Variants in IQCH observed in about 807,000 individuals in gnomAD.
IQCH encodes IQ domain-containing protein H.
In IQCH, 98 loss-of-function variants were observed where a neutral mutation model predicts 117.0. That is an observed-to-expected ratio of 0.84 (90% CI 0.71 to 0.99). IQCH has a LOEUF of 0.99. IQCH is among the 50% of genes least tolerant of loss of function. IQCH has a pLI of 0.00. For missense variants in IQCH, 1,102 were observed against 1,243.8 expected, an observed-to-expected ratio of 0.89 and a Z score of 1.72; for synonymous variants, 412 against 448.2, an observed-to-expected ratio of 0.92 and a Z score of 1.02.
intron 4 of IQCH, among the ~76,000 whole-genome samples, chr15:67,326,793 A>C (rs375100702): frequency 4.9e-4 from 75 of 152,376 alleles, no homozygotes; most frequent in African/African-American, 1.8e-3. Flanking sequence ...ATATCAAATC[A>C]GCCTATTATT....
chr15:67,419,122 C>T (rs1440673220), intron 15 of IQCH, among the ~76,000 whole-genome samples: 1 of 152,174 alleles, frequency 6.6e-6, no homozygotes, highest in Admixed American at 6.5e-5. Flanking sequence ...CCTGCTTTCT[C>T]AGCCATGCTT....
intron 10 of IQCH, among the ~76,000 whole-genome samples, chr15:67,383,918 A>G (rs1025010229): frequency 3.9e-5 from 6 of 152,188 alleles, no homozygotes; most frequent in African/African-American, 1.2e-4. Flanking sequence ...CAAAGAGCCA[A>G]TTATCAGAGT....
chr15:67,304,368 G>A, intron 4 of IQCH: 9 of 1,531,574 alleles, frequency 5.9e-6, no homozygotes, highest in Non-Finnish European at 6.1e-6. Context: ...TAAAAATCTT[G>A]CAGGATCCTG....
chr15:67,396,968 C>A (rs1476710176), intron 13 of IQCH, among the ~76,000 whole-genome samples: 2 of 152,160 alleles, frequency 1.3e-5, no homozygotes, highest in African/African-American at 2.4e-5. Context: ...CAGTCGCAGG[C>A]AATTTTAGTA....
At chr15:67,345,589 A>G (rs778304445) in intron 6 of IQCH, among the ~76,000 whole-genome samples, 15 of 152,198 alleles carry the variant, frequency 9.9e-5, no homozygotes, top group Non-Finnish European at 1.8e-4. Flanking sequence ...CAGAAAAACT[A>G]TGAGAAAAAC....
Position 67,342,743 on chromosome 15 carries a change from G to T in IQCH, c.509-1320G>T, listed in dbSNP as rs994809039. Among the ~76,000 whole-genome samples, 1 of 152,084 alleles carries T rather than the reference G, an allele frequency of 6.6e-6. No homozygotes were observed. The highest frequency in any genetic ancestry group is 2.4e-5 in the African/African-American group (1 of 41,410). On this transcript the variant is annotated intron_variant, in intron 5 of 20. Coordinates refer to ENST00000335894, the MANE Select transcript of IQCH (RefSeq NM_001031715.3). This position sits in a 1 kb window ranked among gnomAD's most constrained non-coding sequence, Gnocchi z 4.7. ...AAAGGTCCTAAAGTGTTATACTCTG[G>T]ATCAGTAATTCTTAAGTGTTAAGAG... is the stretch of plus-strand genomic sequence containing the variant.
At chr15:67,298,693 C>T (rs1320524151) in intron 4 of IQCH, among the ~76,000 whole-genome samples, 1 of 152,138 alleles carries the variant, frequency 6.6e-6, no homozygotes, top group East Asian at 1.9e-4. Context: ...TGATGAAACC[C>T]GTTTCTACTA....
chr15:67,349,815 A>C (rs117803621), intron 6 of IQCH, among the ~76,000 whole-genome samples: 2,394 of 152,316 alleles, frequency 0.016, 24 homozygotes, highest in Non-Finnish European at 0.026. Flanking sequence ...GATACATGAA[A>C]GCATGCTTAA....
rs80302048 is a variant in IQCH, at chr15:67,474,370, C to T, written c.2677-1326C>T. On this transcript the variant is annotated intron_variant, in intron 17 of 20. Transcript: ENST00000335894. The surrounding 1 kb of genome is among the most constrained non-coding windows in gnomAD (Gnocchi z 4.1). ...ACCACAGTTCAAGAGCCAAGCCAGG[C>T]ACCTTTATCTTCTATGCCCTAAGGT... Among the ~76,000 whole-genome samples the T allele has an allele frequency of 3.4e-3, 520 of 152,252 alleles. 5 individuals carry two copies. The highest frequency in any genetic ancestry group is 4.2e-3 in the Non-Finnish European group (284 of 68,020).
Position 67,401,428 on chromosome 15 carries a change from A to C in IQCH, c.2097+1123A>C, listed in dbSNP as rs1384937324. On this transcript the variant is annotated intron_variant, in intron 14 of 20. Transcript: ENST00000335894. The surrounding 1 kb of genome is among the most constrained non-coding windows in gnomAD (Gnocchi z 4.7). ...AAGCATAACCGATTAGGAAAATCAC[A>C]ATGCAAATTCCCTTAACTGGTTCCT... 6.6e-6 allele frequency among the ~76,000 whole-genome samples: 1 copy of C among 152,216 alleles called. No homozygotes were observed. Among genetic ancestry groups the C allele is most frequent in the East Asian group, 1.9e-4 (1 of 5,198 alleles).
chr15:67,480,766 C>G (rs1248612460), intron 18 of IQCH, among the ~76,000 whole-genome samples: 1 of 152,002 alleles, frequency 6.6e-6, no homozygotes, highest in Non-Finnish European at 1.5e-5. Context: ...TTTGGCAAAA[C>G]TAATACCTGC....
At chr15:67,303,598 T>A (rs1279966650) in intron 4 of IQCH, among the ~76,000 whole-genome samples, 2 of 152,118 alleles carry the variant, frequency 1.3e-5, no homozygotes, top group Non-Finnish European at 2.9e-5. Context: ...ATAGAGAAAC[T>A]GACTTCCATA....
At position 67,436,456 on chromosome 15, in the gene IQCH, C is replaced by T. The variant is rs1199374322; in HGVS notation, c.2505+14879C>T. On this transcript the variant is annotated intron_variant, in intron 16 of 20. Transcript: ENST00000335894. The surrounding 1 kb of genome is among the most constrained non-coding windows in gnomAD (Gnocchi z 5.1). ...CTAGCAGCCCATTTCTGCCTGGCAC[C>T]ACAGGGATCCATCAGGACGGTGGCC... Among the ~76,000 whole-genome samples, 18 of 152,162 alleles carry T rather than the reference C, an allele frequency of 1.2e-4. No homozygotes were observed. The highest frequency in any genetic ancestry group is 1.9e-4 in the Non-Finnish European group (13 of 68,028).
At position 67,474,748 on chromosome 15, in the gene IQCH, A is replaced by G. The variant is rs1443289721; in HGVS notation, c.2677-948A>G. On this transcript the variant is annotated intron_variant, in intron 17 of 20. Transcript: ENST00000335894. The surrounding 1 kb of genome is among the most constrained non-coding windows in gnomAD (Gnocchi z 4.1). ...AGGTTAAAGTATGGGAAGAGTGGGA[A>G]AATATCTTTACAGCAGAGAAATCTG... is the stretch of plus-strand genomic sequence containing the variant. Among the ~76,000 whole-genome samples the G allele has an allele frequency of 6.6e-6, 1 of 152,206 alleles. No homozygotes were observed. Among genetic ancestry groups the G allele is most frequent in the East Asian group, 1.9e-4 (1 of 5,190 alleles).
rs1437701533 is a variant in IQCH at position 67,390,519 on chromosome 15, C to T, written c.1632+1513C>T. Among the ~76,000 whole-genome samples, 1 of 151,988 alleles carries T rather than the reference C, an allele frequency of 6.6e-6. No individual in the cohort carries two copies. The highest frequency in any genetic ancestry group is 2.4e-5 in the African/African-American group (1 of 41,372). ...TTTCTTTTTTTTTGAGACAGAGTCT[C>T]ACTCTGTTGCCCAGGCTGGAATGCA... On this transcript the variant is annotated intron_variant, in intron 12 of 20. Transcript: ENST00000335894. The surrounding 1 kb of genome is among the most constrained non-coding windows in gnomAD (Gnocchi z 5.0).
At chr15:67,325,595 C>T (rs545956992) in intron 4 of IQCH, among the ~76,000 whole-genome samples, 1 of 152,154 alleles carries the variant, frequency 6.6e-6, no homozygotes, top group African/African-American at 2.4e-5. Context: ...TGCTAAGTGT[C>T]TGCAAGTACA....
chr15:67,314,126 C>G (rs1567088617), intron 4 of IQCH, among the ~76,000 whole-genome samples: 1 of 152,156 alleles, frequency 6.6e-6, no homozygotes, highest in Non-Finnish European at 1.5e-5. Context: ...TGCCCCACTA[C>G]TACTTACAAT....
At chr15:67,450,125 G>A (rs146392211) in intron 16 of IQCH, among the ~76,000 whole-genome samples, 1,879 of 152,314 alleles carry the variant, frequency 0.012, 14 homozygotes, top group Non-Finnish European at 0.021. Context: ...ATTTTGGGCT[G>A]AGATGAAGGG....
chr15:67,266,473 A>G (rs927200714), intron 3 of IQCH, among the ~76,000 whole-genome samples: 3 of 152,062 alleles, frequency 2.0e-5, no homozygotes, highest in African/African-American at 4.8e-5. Flanking sequence ...TGGGTAACAC[A>G]GTGAAACCCC....
Sources: allele counts gnomAD v4.1 joint callset (sites outside exome capture counted in the v4.1 genomes callset), GRCh38; gene constraint gnomAD v4.1.1; non-coding constraint Gnocchi (gnomAD v3.1); transcripts MANE v1.5; gene names NCBI Gene and HGNC (gene_info 2026-07-23, HGNC 2026-07-21).